Variants in MAPK15 observed in about 807,000 individuals in gnomAD.
MAPK15 encodes ERK-7.
MAPK15 carries 61 observed loss-of-function variants against 60.8 expected under a neutral mutation model. The ratio of observed to expected loss-of-function variants is 1.00; its 90% CI spans 0.82 to 1.24. The LOEUF (loss-of-function observed/expected upper bound fraction) is 1.24, where lower values mean the gene tolerates loss of function less well. Ranked by LOEUF, MAPK15 falls within the 50% of genes most tolerant of loss-of-function variation. MAPK15 has a pLI of 0.00. For synonymous variants in MAPK15, 356 were observed against 319.9 expected, an observed-to-expected ratio of 1.11 and a Z score of -1.21; for missense variants, 808 against 741.1, an observed-to-expected ratio of 1.09 and a Z score of -1.05.
rs1202680423 is a variant in MAPK15 at position 143,719,071 on chromosome 8, C to G, written c.496C>G (p.Pro166Ala). The G allele has an allele frequency of 2.5e-6, 4 of 1,579,226 alleles. No individual in the cohort carries two copies. The East Asian group carries it at 9.4e-5, about 37-fold the overall frequency. The change falls in exon 6 of 14, where the codon CCC (proline) becomes GCC (alanine). Residue 166 changes from proline (P) to alanine (A), a missense_variant. Pro to Ala is a conservative substitution (Grantham distance 27). Coordinates refer to ENST00000338033, the MANE Select transcript of MAPK15 (RefSeq NM_139021.3). ...CCTGGCCCGCTCCCTGGGCGACCTC[C>G]CCGAGGGGCCTGAGGACCAGGCCGT... ...FGLARSLGDL[P>A]EGPEDQAVTE...
In MAPK15 at chr8:143,721,547, A is replaced by G; in HGVS notation, c.1205-2A>G. The G allele has an allele frequency of 1.2e-6, 2 of 1,613,704 alleles. No homozygotes were observed. The highest frequency in any genetic ancestry group is 2.2e-5 in the East Asian group (1 of 44,868). ...CCCGGGGTTGACCCACTGACCCCAC[A>G]GAGTCCCCCCGTGCAGCCAAGAACG... On this transcript the variant is annotated splice_acceptor_variant, in intron 11 of 13. Transcript: ENST00000338033. LOFTEE classifies it high-confidence loss of function.
chr8:143,719,260 G>A (rs551839622), intron 6 of MAPK15, 83 bp from the exon 7 acceptor site: 3 of 1,529,364 alleles, frequency 2.0e-6, no homozygotes, highest in East Asian at 4.6e-5. Flanking sequence ...TGGTCCACAA[G>A]TGTTCCCCCA....
rs547413072 is a variant in MAPK15 at position 143,720,487 on chromosome 8, G to C, written c.779+200G>C. On this transcript the variant is annotated intron_variant, in intron 8 of 13. Coordinates refer to ENST00000338033, the MANE Select transcript of MAPK15 (RefSeq NM_139021.3). This position sits in a 1 kb window ranked among gnomAD's most constrained non-coding sequence, Gnocchi z 4.6. ...TGCTCCTAGAGGGTGGCCCAGAGGA[G>C]CTGTGCCAGGGCGTGGAGAGGAGGG... is the stretch of plus-strand genomic sequence containing the variant. The C allele has an allele frequency of 1.3e-3, 1,812 of 1,449,058 alleles. No homozygotes were observed. Among genetic ancestry groups the C allele is most frequent in the Non-Finnish European group, 1.5e-3 (1,680 of 1,097,780 alleles). The allele number at this position is 1,449,058 out of a possible 1,614,324, so 89.8% of individuals were successfully genotyped here.
At chr8:143,717,589 C>G (rs559919523) in intron 1 of MAPK15, 105 bp from the exon 2 acceptor site, 1 of 990,734 alleles carries the variant, frequency 1.0e-6, no homozygotes, top group South Asian at 1.4e-5. Flanking sequence ...CATCCCCTCT[C>G]GGGACCCAGG....
At position 143,722,427 on chromosome 8, in the gene MAPK15, A is replaced by C; in HGVS notation, c.*176A>C. On this transcript the variant is annotated 3_prime_UTR_variant, in exon 14 of 14. Transcript: ENST00000338033. Reference sequence around the variant, plus strand: ...TGAGGGCCCTGCCCCCGCCCCACTGACTTCCTCCAATAAAGTCATGTCTGC... The same window carrying C: ...TGAGGGCCCTGCCCCCGCCCCACTGCCTTCCTCCAATAAAGTCATGTCTGC... The C allele has an allele frequency of 1.9e-6, 1 of 529,304 alleles. No individual in the cohort carries two copies. 32.8% of individuals were successfully genotyped at this position (529,304 alleles called of 1,614,324 possible).
intron 3 of MAPK15, 41 bp from the exon 4 acceptor site, chr8:143,718,171 G>C (rs782328178): frequency 1.9e-6 from 3 of 1,612,830 alleles, no homozygotes; most frequent in South Asian, 2.2e-5. Context: ...CCAGAGCACA[G>C]CCCCTCCTGG....
rs781981331 is a variant in MAPK15, at chr8:143,716,382, G to A, written c.5G>A (p.Cys2Tyr). The change falls in exon 1 of 14, where the codon TGC (cysteine) becomes TAC (tyrosine). Residue 2 changes from cysteine to tyrosine, a missense_variant. Physicochemically the swap from Cys to Tyr is radical, Grantham distance 194 (BLOSUM62 -2). Transcript: ENST00000338033. M[C>Y]TVVDPRIVRR... ...CCCGCGGGCGTCCTGGCCGCCATGT[G>A]CACCGTAGTGGACCCTCGCATTGTC... The A allele has an allele frequency of 5.0e-6, 8 of 1,599,132 alleles. No homozygotes were observed. In the Admixed American group the frequency reaches 1.4e-4, roughly 27 times the overall value.
Position 143,722,082 on chromosome 8 carries a change from C to T in MAPK15, c.1466C>T (p.Pro489Leu), listed in dbSNP as rs781819025. ...ACCCTCAACTGTACACAGGTCCCTCCCCGGCTTCCTCCGGAGGCCCGGCCC... is the reference window on the plus strand; with the variant it reads ...ACCCTCAACTGTACACAGGTCCCTCTCCGGCTTCCTCCGGAGGCCCGGCCC... ...VRVASVQQVP[P>L]RLPPEARPGR... The change falls in exon 14 of 14, where the codon CCC (proline) becomes CTC (leucine). Residue 489 changes from proline (P) to leucine (L), a missense_variant. Pro to Leu is a moderately conservative substitution (Grantham distance 98). Transcript: ENST00000338033. 4 of 1,612,182 alleles carry T rather than the reference C, an allele frequency of 2.5e-6. No individual in the cohort carries two copies. In the South Asian group the frequency reaches 4.4e-5, roughly 18 times the overall value.
chr8:143,720,606 T>C lies in MAPK15; in HGVS notation c.780-97T>C. On this transcript the variant is annotated intron_variant, in intron 8 of 13. Transcript: ENST00000338033. The surrounding 1 kb of genome is among the most constrained non-coding windows in gnomAD (Gnocchi z 4.6). ...CATCTACCTAGACAGGACAGCAGGGTGGACCCCAGTTTGGAAGCTGAGCCC... is the reference window on the plus strand; with the variant it reads ...CATCTACCTAGACAGGACAGCAGGGCGGACCCCAGTTTGGAAGCTGAGCCC... 2 of 1,517,674 alleles carry C rather than the reference T, an allele frequency of 1.3e-6. No homozygotes were observed. The highest frequency in any genetic ancestry group is 1.8e-6 in the Non-Finnish European group (2 of 1,129,170). 94.0% of individuals were successfully genotyped at this position (1,517,674 alleles called of 1,614,324 possible). A position where few individuals can be genotyped will look rare whatever the true frequency, so the allele number is the denominator to read the frequency against.
At chr8:143,716,923 T>TGTGTGTGTGTGC (rs1817834517) in intron 1 of MAPK15, among the ~76,000 whole-genome samples, 2 of 151,096 alleles carry the variant, frequency 1.3e-5, no homozygotes, top group Non-Finnish European at 3.0e-5. Context: ...CATGTAAGCC[T>TGTGTGTGTGTGC]GTGTGTGTGT....
At position 143,720,209 on chromosome 8, in the gene MAPK15, C is replaced by A; in HGVS notation, c.722-21C>A. 2 of 1,558,742 alleles carry A rather than the reference C, an allele frequency of 1.3e-6. No individual in the cohort carries two copies. Among genetic ancestry groups the A allele is most frequent in the Non-Finnish European group, 1.7e-6 (2 of 1,151,676 alleles). On this transcript the variant is annotated intron_variant, in intron 7 of 13. Coordinates refer to ENST00000338033, the MANE Select transcript of MAPK15 (RefSeq NM_139021.3). The surrounding 1 kb of genome is among the most constrained non-coding windows in gnomAD (Gnocchi z 4.6). ...CAGCCGACCAGGCCTGCCTGGGTCA[C>A]ACCACCTTCTGCTGCCCCAGACCTC...
rs781846351 is a variant in MAPK15 at position 143,720,631 on chromosome 8, C to T, written c.780-72C>T. ...TGGACCCCAGTTTGGAAGCTGAGCC[C>T]CCAGCCACGAACATGGATCTGAGGA... is the stretch of plus-strand genomic sequence containing the variant. On this transcript the variant is annotated intron_variant, in intron 8 of 13. Transcript: ENST00000338033. This position sits in a 1 kb window ranked among gnomAD's most constrained non-coding sequence, Gnocchi z 4.6. The T allele has an allele frequency of 2.6e-6, 4 of 1,544,110 alleles. No homozygotes were observed. In the Middle Eastern group the frequency reaches 5.1e-4, roughly 196 times the overall value.
At chr8:143,718,449 CAG>C in intron 4 of MAPK15, 147 bp downstream of exon 4, 1 of 768,476 alleles carries the variant, frequency 1.3e-6, no homozygotes, top group Non-Finnish European at 2.2e-6. Context: ...GACTCAGGGA[CAG>C]ACAGCTGACT....
At position 143,717,773 on chromosome 8, in the gene MAPK15, G is replaced by A. The variant is rs782534074; in HGVS notation, c.146G>A (p.Arg49Lys). 3.1e-6 allele frequency: 5 copies of A among 1,611,836 alleles called. No homozygotes were observed. Among genetic ancestry groups the A allele is most frequent in the Non-Finnish European group, 4.2e-6 (5 of 1,179,210 alleles). Residue 49 changes from arginine (R) to lysine (K), a missense_variant, in exon 2 of 14, where the codon AGG becomes AAG. Physicochemically the swap from Arg to Lys is conservative, Grantham distance 26. Transcript: ENST00000338033. The part of the protein sequence containing the change: ...VAIKKIFDAF[R>K]DKTDAQRTFR... ...ATCAAGAAAATCTTTGATGCTTTTA[G>A]GGATAAGACAGATGCCCAGGTGAGT...
Position 143,720,431 on chromosome 8 carries a change from T to C in MAPK15, c.779+144T>C, listed in dbSNP as rs1224052301. ...ATGGCAGTCCCAAACCCAACAACTG[T>C]TGGCCACACTGAAAGCAGGAGCCCC... On this transcript the variant is annotated intron_variant, in intron 8 of 13. Transcript: ENST00000338033. This position sits in a 1 kb window ranked among gnomAD's most constrained non-coding sequence, Gnocchi z 4.6. The C allele has an allele frequency of 9.7e-6, 14 of 1,447,906 alleles. No individual in the cohort carries two copies. In the African/African-American group the frequency reaches 1.4e-4, roughly 15 times the overall value. 89.7% of individuals were successfully genotyped at this position (1,447,906 alleles called of 1,614,324 possible).
chr8:143,720,345 C>T lies in MAPK15; in HGVS notation c.779+58C>T. The T allele has an allele frequency of 6.7e-7, 1 of 1,489,474 alleles. No homozygotes were observed. The allele number at this position is 1,489,474 out of a possible 1,614,324, so 92.3% of individuals were successfully genotyped here. A position where few individuals can be genotyped will look rare whatever the true frequency, so the allele number is the denominator to read the frequency against. On this transcript the variant is annotated intron_variant, in intron 8 of 13. Transcript: ENST00000338033. This position sits in a 1 kb window ranked among gnomAD's most constrained non-coding sequence, Gnocchi z 4.6. ...GTGGCCTATCTCAAGGGAGCAGGGC[C>T]ACCTTCCTGCAAGTTTACTGGGGCC...
chr8:143,719,042 T>A lies in MAPK15; in HGVS notation c.467T>A (p.Phe156Tyr). The A allele has an allele frequency of 6.3e-7, 1 of 1,599,798 alleles. No individual in the cohort carries two copies. Among genetic ancestry groups the A allele is most frequent in the East Asian group, 2.3e-5 (1 of 43,914 alleles). ...DANCTVKLCD[F>Y]GLARSLGDLP... ...AACTGCACAGTGAAGCTGTGTGACT[T>A]TGGCCTGGCCCGCTCCCTGGGCGAC... Residue 156 changes from phenylalanine (F) to tyrosine (Y), a missense_variant, in exon 6 of 14, where the codon TTT (phenylalanine) becomes TAT (tyrosine). Transcript: ENST00000338033.
intron 4 of MAPK15, 95 bp downstream of exon 4, chr8:143,718,397 GCAGCTGGC>G (rs1817898824): frequency 8.8e-7 from 1 of 1,133,628 alleles, no homozygotes; most frequent in Non-Finnish European, 1.3e-6. Context: ...GTGTCCCTCT[GCAGCTGGC>G]CCACAGTGGC....
chr8:143,716,618 G>C (rs1554618426), intron 1 of MAPK15, among the ~76,000 whole-genome samples, 175 bp downstream of exon 1: 1 of 152,184 alleles, frequency 6.6e-6, no homozygotes, highest in African/African-American at 2.4e-5. Context: ...TTTCCTCATG[G>C]GGTAACACGA....
Sources: gnomAD v4.1 joint callset for allele counts (sites outside exome capture counted in the v4.1 genomes callset) on GRCh38, gnomAD v4.1.1 for gene constraint, Gnocchi (gnomAD v3.1) non-coding constraint, MANE v1.5 for transcripts, NCBI Gene and HGNC (gene_info 2026-07-23, HGNC 2026-07-21) for gene names.